UNC5D: variants seen among roughly 807,000 people sequenced by gnomAD.
UNC5D encodes unc-5 netrin receptor D.
In UNC5D, 39 loss-of-function variants were observed where a neutral mutation model predicts 105.4. That is an observed-to-expected ratio of 0.37 (90% CI 0.29 to 0.48). The LOEUF is 0.48. UNC5D is among the 20% of genes least tolerant of loss of function. UNC5D has a pLI of 0.98. For synonymous variants in UNC5D, 452 were observed against 450.4 expected (o/e 1.00, Z -0.04); for missense variants, 991 against 1,202.4 (o/e 0.82, Z 2.60).
At chr8:35,247,613 T>A (rs1338056731) in intron 1 of UNC5D, among the ~76,000 whole-genome samples, 13 of 90,518 alleles carry the variant, frequency 1.4e-4, no homozygotes, top group South Asian at 3.0e-4. Flanking sequence ...TAAATATATA[T>A]TATATATAAA....
At chr8:35,789,303 G>C (rs548223011) in intron 16 of UNC5D, among the ~76,000 whole-genome samples, 1 of 149,550 alleles carries the variant, frequency 6.7e-6, no homozygotes, top group Non-Finnish European at 1.5e-5. Context: ...CATGACTGAG[G>C]AACTAGAATG....
In UNC5D at chr8:35,791,516, T is replaced by C. The variant is rs1183708145; in HGVS notation, c.*953T>C. ...GGAGACACGTGTTGATCTAGTTATC[T>C]AACATTGTTGTTATAAGAAAATGAG... On this transcript the variant is annotated 3_prime_UTR_variant, in exon 17 of 17. Coordinates refer to ENST00000404895, the MANE Select transcript of UNC5D (RefSeq NM_080872.4). 3 of 152,144 alleles carry C rather than the reference T, an allele frequency of 2.0e-5. No individual in the cohort carries two copies. The East Asian group carries it at 5.8e-4, about 29-fold the overall frequency. The allele number at this position is 152,144 out of a possible 1,614,324, so 9.4% of individuals were successfully genotyped here. A position where few individuals can be genotyped will look rare whatever the true frequency, so the allele number is the denominator to read the frequency against.
intron 1 of UNC5D, among the ~76,000 whole-genome samples, chr8:35,341,150 C>A (rs1398249764): frequency 1.3e-5 from 2 of 152,058 alleles, no homozygotes; most frequent in Non-Finnish European, 2.9e-5. Flanking sequence ...ATACTCAGAG[C>A]AAAATCTCTG....
intron 1 of UNC5D, among the ~76,000 whole-genome samples, chr8:35,512,091 T>A (rs1156371028): frequency 1.3e-5 from 2 of 152,140 alleles, no homozygotes; most frequent in Non-Finnish European, 2.9e-5. Flanking sequence ...CTAACCAGAA[T>A]ACACCCCCAA....
chr8:35,627,515 T>A (rs1007596170), intron 4 of UNC5D, among the ~76,000 whole-genome samples: 2 of 152,224 alleles, frequency 1.3e-5, no homozygotes, highest in South Asian at 2.1e-4. Context: ...AATGCAGCCA[T>A]CTTTACTTAG....
At chr8:35,462,550 T>C (rs1449056682) in intron 1 of UNC5D, among the ~76,000 whole-genome samples, 5 of 152,202 alleles carry the variant, frequency 3.3e-5, no homozygotes, top group Non-Finnish European at 7.3e-5. Flanking sequence ...ACAGCACTAA[T>C]GGTATAATTA....
At chr8:35,729,619 C>CT (rs1184183494) in intron 10 of UNC5D, among the ~76,000 whole-genome samples, 3 of 152,190 alleles carry the variant, frequency 2.0e-5, no homozygotes, top group African/African-American at 4.8e-5. Context: ...TCCGAGCACA[C>CT]TGGATGTCCT....
intron 3 of UNC5D, among the ~76,000 whole-genome samples, chr8:35,589,105 T>G (rs116620708): frequency 0.013 from 1,962 of 152,190 alleles, 39 homozygotes; most frequent in African/African-American, 0.044. Flanking sequence ...TACTTTGGAA[T>G]TAGATGTATT....
chr8:35,547,989 C>T (rs376480576), intron 1 of UNC5D, among the ~76,000 whole-genome samples: 1 of 152,158 alleles, frequency 6.6e-6, no homozygotes, highest in Non-Finnish European at 1.5e-5. Context: ...GCATCCAGCA[C>T]GGGAGAACAA....
rs947784907 is a variant in UNC5D, at chr8:35,593,510, C to T, written c.467-2044C>T. 2.6e-5 allele frequency among the ~76,000 whole-genome samples: 4 copies of T among 152,048 alleles called. No individual in the cohort carries two copies. The East Asian group carries it at 7.7e-4, about 29-fold the overall frequency. On this transcript the variant is annotated intron_variant, in intron 3 of 16. Coordinates refer to ENST00000404895, the MANE Select transcript of UNC5D (RefSeq NM_080872.4). ...GCTCATGCCTGTAATCCAAGCATTT[C>T]GGGAGGCCAAGGCAGGAGGATCGGA...
chr8:35,674,537 T>C (rs1825066374), intron 4 of UNC5D, among the ~76,000 whole-genome samples: 1 of 152,188 alleles, frequency 6.6e-6, no homozygotes, highest in Non-Finnish European at 1.5e-5. Context: ...CTAACACATG[T>C]ATAGTGCCTA....
At chr8:35,425,210 G>T (rs1369372609) in intron 1 of UNC5D, among the ~76,000 whole-genome samples, 1 of 152,160 alleles carries the variant, frequency 6.6e-6, no homozygotes. Context: ...AAAAGAAATT[G>T]TTGCTTCTCT....
rs558719296 is a variant in UNC5D, at chr8:35,774,604, T to C, written c.2657+127T>C. 3.6e-5 allele frequency: 45 copies of C among 1,260,696 alleles called. No homozygotes were observed. The South Asian group carries it at 6.2e-4, about 17-fold the overall frequency. 78.1% of individuals were successfully genotyped at this position (1,260,696 alleles called of 1,614,324 possible). A position where few individuals can be genotyped will look rare whatever the true frequency, so the allele number is the denominator to read the frequency against. On this transcript the variant is annotated intron_variant, in intron 16 of 16. Transcript: ENST00000404895. Reference sequence around the variant, plus strand: ...TGAGTTCCTCTGGCCATATTTCCTGTGTGTTCCCACTAAGTAAGTGGGGAA... The same window carrying C: ...TGAGTTCCTCTGGCCATATTTCCTGCGTGTTCCCACTAAGTAAGTGGGGAA...
At chr8:35,475,361 G>A (rs562855264) in intron 1 of UNC5D, among the ~76,000 whole-genome samples, 5 of 152,270 alleles carry the variant, frequency 3.3e-5, no homozygotes, top group African/African-American at 1.2e-4. Flanking sequence ...CCCAGAAGGG[G>A]ACCTAAAAAC....
At chr8:35,257,080 T>C (rs112803840) in intron 1 of UNC5D, among the ~76,000 whole-genome samples, 3,662 of 151,850 alleles carry the variant, frequency 0.024, 158 homozygotes, top group African/African-American at 0.085. Context: ...CAAGCAATTG[T>C]CTTGCCTTAG....
intron 1 of UNC5D, among the ~76,000 whole-genome samples, chr8:35,390,538 T>G (rs146987920): frequency 6.6e-6 from 1 of 152,252 alleles, no homozygotes; most frequent in Non-Finnish European, 1.5e-5. Flanking sequence ...GCAAAGTCTT[T>G]AAGGAACAGA....
intron 2 of UNC5D, among the ~76,000 whole-genome samples, chr8:35,560,458 GGTAT>G (rs1816880116): frequency 1.3e-5 from 2 of 152,008 alleles, no homozygotes; most frequent in African/African-American, 4.8e-5. Context: ...TGTGTATAAG[GGTAT>G]GTATGTATAC....
chr8:35,507,094 C>G (rs1450348188), intron 1 of UNC5D, among the ~76,000 whole-genome samples: 10 of 116,398 alleles, frequency 8.6e-5, no homozygotes, highest in Non-Finnish European at 1.3e-4. Context: ...CTCGCTCTGT[C>G]GCCCAGGCTG....
At chr8:35,265,903 T>C (rs1235578608) in intron 1 of UNC5D, among the ~76,000 whole-genome samples, 2 of 125,104 alleles carry the variant, frequency 1.6e-5, no homozygotes, top group East Asian at 5.4e-4. Flanking sequence ...ATAATAATAA[T>C]AATATATCTG....
Sources: gnomAD v4.1 joint callset for allele counts (sites outside exome capture counted in the v4.1 genomes callset) on GRCh38, gnomAD v4.1.1 for gene constraint, MANE v1.5 for transcripts, NCBI Gene and HGNC (gene_info 2026-07-23, HGNC 2026-07-21) for gene names.